CACNG4: variants seen among roughly 807,000 people sequenced by gnomAD.
The protein encoded by CACNG4 is calcium voltage-gated channel auxiliary subunit gamma 4, also known as voltage-dependent calcium channel gamma-4 subunit.
Under a neutral mutation model 22.9 loss-of-function variants are expected in CACNG4, and 8 were observed. The ratio of observed to expected loss-of-function variants is 0.35; its 90% CI spans 0.21 to 0.63. The LOEUF is 0.63. Ranked by LOEUF, CACNG4 falls within the 30% of genes least tolerant of loss-of-function variation. The pLI is 0.72. For synonymous variants in CACNG4, 188 were observed against 191.9 expected (o/e 0.98, Z 0.17); for missense variants, 357 against 455.4 (o/e 0.78, Z 1.97).
At chr17:66,971,193 G>A (rs1296615224) in intron 1 of CACNG4, among the ~76,000 whole-genome samples, 1 of 152,154 alleles carries the variant, frequency 6.6e-6, no homozygotes, top group Non-Finnish European at 1.5e-5. Context: ...CCACGCTGAC[G>A]GTGGGTCGGT....
At chr17:67,012,787 G>A (rs1026356394) in intron 1 of CACNG4, among the ~76,000 whole-genome samples, 2 of 152,196 alleles carry the variant, frequency 1.3e-5, no homozygotes, top group African/African-American at 2.4e-5. Flanking sequence ...AGAGCTGGTC[G>A]CTCGCGGCAG....
Position 67,027,202 on chromosome 17 carries a change from C to T in CACNG4, c.445+2202C>T, listed in dbSNP as rs1358884487. Among the ~76,000 whole-genome samples, 4 of 152,208 alleles carry T rather than the reference C, an allele frequency of 2.6e-5. No individual in the cohort carries two copies. The highest frequency in any genetic ancestry group is 9.6e-5 in the African/African-American group (4 of 41,452). ...CAAAGACATGCTGTGCCCAGGGCTGCCAGCCTCCAAAGCCCTTCGAGGTGC... is the reference window on the plus strand; with the variant it reads ...CAAAGACATGCTGTGCCCAGGGCTGTCAGCCTCCAAAGCCCTTCGAGGTGC... On this transcript the variant is annotated intron_variant, in intron 3 of 3. Transcript: ENST00000262138. The surrounding 1 kb of genome is among the most constrained non-coding windows in gnomAD (Gnocchi z 4.3).
intron 1 of CACNG4, among the ~76,000 whole-genome samples, chr17:67,012,706 CAG>C (rs2035475439): frequency 6.6e-6 from 1 of 152,190 alleles, no homozygotes; most frequent in South Asian, 2.1e-4. Context: ...GCAACCTACT[CAG>C]TGCTGTGGGC....
At chr17:66,982,784 G>T (rs888609881) in intron 1 of CACNG4, among the ~76,000 whole-genome samples, 2 of 152,128 alleles carry the variant, frequency 1.3e-5, no homozygotes, top group Non-Finnish European at 2.9e-5. Flanking sequence ...TCAAACTCCT[G>T]GGCTCAAGCG....
At chr17:66,983,835 C>T (rs981678460) in intron 1 of CACNG4, among the ~76,000 whole-genome samples, 4 of 152,192 alleles carry the variant, frequency 2.6e-5, no homozygotes. Context: ...CCAGCTCGCA[C>T]AAAGCAGATA....
intron 1 of CACNG4, among the ~76,000 whole-genome samples, chr17:66,980,620 C>CTATTTTT (rs2035266030): frequency 9.3e-6 from 1 of 107,030 alleles, no homozygotes; most frequent in African/African-American, 4.0e-5. Flanking sequence ...TGTGTAAATT[C>CTATTTTT]TTTTTTTTTT....
chr17:67,025,374 C>A (rs963428435), intron 3 of CACNG4, among the ~76,000 whole-genome samples: 19 of 152,356 alleles, frequency 1.2e-4, no homozygotes, highest in Non-Finnish European at 2.2e-4. Flanking sequence ...GGCAGTTTTA[C>A]AAGCCTGTGA....
chr17:67,002,618 T>TTTTC (rs200388953), intron 1 of CACNG4, among the ~76,000 whole-genome samples: 4 of 145,428 alleles, frequency 2.8e-5, no homozygotes, highest in Non-Finnish European at 4.6e-5. Context: ...ATCTCTCTCT[T>TTTTC]TCTCTCTCTC....
intron 1 of CACNG4, among the ~76,000 whole-genome samples, chr17:67,015,578 A>G (rs1024679625): frequency 2.6e-5 from 4 of 152,174 alleles, no homozygotes; most frequent in African/African-American, 9.7e-5. Flanking sequence ...ATGTGACTCT[A>G]CAATTATTTC....
chr17:67,024,869 G>A lies in CACNG4; in HGVS notation c.314G>A (p.Arg105Gln), dbSNP rs1466892036. 5.1e-6 allele frequency: 8 copies of A among 1,562,980 alleles called. No individual in the cohort carries two copies. Among genetic ancestry groups the A allele is most frequent in the South Asian group, 2.4e-5 (2 of 84,620 alleles). Reference protein sequence around the residue: ...DSSEYLLRIVRASSVFPILST... With the variant: ...DSSEYLLRIVQASSVFPILST... ...CCACCTCCCCGGCCAGGCATCGTGC[G>A]AGCCTCCAGCGTCTTCCCCATCCTC... The change falls in exon 3 of 4, where the codon CGA becomes CAA. Residue 105 changes from arginine to glutamine, a missense_variant. Physicochemically the swap from Arg to Gln is conservative, Grantham distance 43. Transcript: ENST00000262138.
intron 1 of CACNG4, among the ~76,000 whole-genome samples, chr17:66,990,169 A>C (rs2035330558): frequency 6.6e-6 from 1 of 152,164 alleles, no homozygotes; most frequent in South Asian, 2.1e-4. Flanking sequence ...GACCTCTTGC[A>C]TGCTCACTGG....
At position 66,989,154 on chromosome 17, in the gene CACNG4, G is replaced by C. The variant is rs564151122; in HGVS notation, c.220+24023G>C. Among the ~76,000 whole-genome samples, 9 of 150,882 alleles carry C rather than the reference G, an allele frequency of 6.0e-5. 1 individual carries two copies. The highest frequency in any genetic ancestry group is 3.3e-4 in the Admixed American group (5 of 15,138). ...TTATTCCCGGCATCTTTAGCTTCAG[G>C]GAGAATTATGGATGGAACTGTGTCC... On this transcript the variant is annotated intron_variant, in intron 1 of 3. Transcript: ENST00000262138.
intron 2 of CACNG4, among the ~76,000 whole-genome samples, chr17:67,022,736 C>T (rs938488498): frequency 3.9e-5 from 6 of 152,330 alleles, no homozygotes; most frequent in East Asian, 3.9e-4. Context: ...TCCATGCAGC[C>T]GAGATTTCTA....
chr17:66,981,426 T>G (rs895322783), intron 1 of CACNG4, among the ~76,000 whole-genome samples: 1 of 152,178 alleles, frequency 6.6e-6, no homozygotes, highest in Admixed American at 6.5e-5. Flanking sequence ...GCAGTTTTTT[T>G]GGGTTCTTCT....
intron 1 of CACNG4, among the ~76,000 whole-genome samples, chr17:66,992,307 A>G (rs2035346010): frequency 6.6e-6 from 1 of 152,194 alleles, no homozygotes; most frequent in Admixed American, 6.5e-5. Context: ...TGTTGGATCA[A>G]TCCAAGAATC....
rs192973642 is a variant in CACNG4 at position 66,980,110 on chromosome 17, G to A, written c.220+14979G>A. ...CACGCTCCCAGGCACTATGCCCAGCGACTTCTTGCCAGCATTTTATTACAG... is the reference window on the plus strand; with the variant it reads ...CACGCTCCCAGGCACTATGCCCAGCAACTTCTTGCCAGCATTTTATTACAG... On this transcript the variant is annotated intron_variant, in intron 1 of 3. Transcript: ENST00000262138. 1.5e-4 allele frequency among the ~76,000 whole-genome samples: 23 copies of A among 152,276 alleles called. No homozygotes were observed. The East Asian group carries it at 2.7e-3, about 18-fold the overall frequency.
At chr17:66,983,372 C>T (rs1037304491) in intron 1 of CACNG4, among the ~76,000 whole-genome samples, 2 of 152,130 alleles carry the variant, frequency 1.3e-5, no homozygotes, top group Non-Finnish European at 2.9e-5. Flanking sequence ...CAGTGTGCTG[C>T]GAATATCCAA....
At chr17:67,029,583 G>A (rs1401368080) in intron 3 of CACNG4, among the ~76,000 whole-genome samples, 2 of 152,148 alleles carry the variant, frequency 1.3e-5, no homozygotes, top group Non-Finnish European at 2.9e-5. Context: ...GCAGTGAGCC[G>A]AGATCGCGCC....
In CACNG4 at chr17:67,032,307, C is replaced by A. The variant is rs528135335; in HGVS notation, c.*1303C>A. The A allele has an allele frequency of 1.9e-5, 6 of 311,084 alleles. No homozygotes were observed. Among genetic ancestry groups the A allele is most frequent in the South Asian group, 1.8e-4 (6 of 34,242 alleles). 19.3% of individuals were successfully genotyped at this position (311,084 alleles called of 1,614,324 possible). A position where few individuals can be genotyped will look rare whatever the true frequency, so the allele number is the denominator to read the frequency against. On this transcript the variant is annotated 3_prime_UTR_variant, in exon 4 of 4. Transcript: ENST00000262138. ...TCCCCCTCCTGAAGCAAGCAAAGAGCGTGGAGGCGTGTGCAGGCTTGGAAG... is the reference window on the plus strand; with the variant it reads ...TCCCCCTCCTGAAGCAAGCAAAGAGAGTGGAGGCGTGTGCAGGCTTGGAAG...
Sources: gnomAD v4.1 joint callset for allele counts (sites outside exome capture counted in the v4.1 genomes callset) on GRCh38, gnomAD v4.1.1 for gene constraint, Gnocchi (gnomAD v3.1) non-coding constraint, MANE v1.5 for transcripts, NCBI Gene and HGNC (gene_info 2026-07-23, HGNC 2026-07-21) for gene names.